The following ALK variants were observed in gnomAD, a reference collection of about 807,000 sequenced individuals.
ALK encodes ALK tyrosine kinase receptor.
In ALK, 74 loss-of-function variants were observed where a neutral mutation model predicts 163.1. The observed-to-expected ratio is 0.45, with a 90% CI of 0.38 to 0.55. ALK has a LOEUF of 0.55. Among genes scored for constraint, ALK ranks in the 20% least tolerant of loss-of-function variants. ALK has a pLI of 0.00. For synonymous variants in ALK, 960 were observed against 843.2 expected, an observed-to-expected ratio of 1.14 and a Z score of -2.40; for missense variants, 2,063 against 2,105.3, an observed-to-expected ratio of 0.98 and a Z score of 0.39.
chr2:29,549,173 C>CACAT (rs1373284156), intron 3 of ALK, among the ~76,000 whole-genome samples: 1 of 151,868 alleles, frequency 6.6e-6, no homozygotes, highest in African/African-American at 2.4e-5. Flanking sequence ...CACACACACA[C>CACAT]GGACACACAC....
chr2:29,756,967 T>C (rs1255290383), intron 1 of ALK, among the ~76,000 whole-genome samples: 3 of 151,964 alleles, frequency 2.0e-5, no homozygotes, highest in Non-Finnish European at 4.4e-5. Context: ...AGATAAACAG[T>C]ATCAGGGAGA....
intron 4 of ALK, among the ~76,000 whole-genome samples, chr2:29,406,424 A>G (rs1321407159): frequency 6.6e-6 from 1 of 152,202 alleles, no homozygotes; most frequent in Non-Finnish European, 1.5e-5. Context: ...ATGAGCTGAG[A>G]TATTCCCAGC....
chr2:29,858,953 A>ATC, intron 1 of ALK, among the ~76,000 whole-genome samples: 2 of 151,948 alleles, frequency 1.3e-5, no homozygotes, highest in African/African-American at 2.4e-5. Flanking sequence ...GAATTGCTTG[A>ATC]ACCGAGGAGG....
At chr2:29,560,792 G>A (rs1674000200) in intron 3 of ALK, among the ~76,000 whole-genome samples, 2 of 151,958 alleles carry the variant, frequency 1.3e-5, no homozygotes, top group Non-Finnish European at 2.9e-5. Context: ...GGCTGGTCTC[G>A]AACTCCTGGA....
rs11900447 is a variant in ALK, at chr2:29,820,589, G to A, written c.667+99404C>T. On this transcript the variant is annotated intron_variant, in intron 1 of 28. Transcript: ENST00000389048. ...GCCTGAGCAATGTACAAAACTGAAA[G>A]AGGATAGGGATCCAGCTGAAAAAGA... Among the ~76,000 whole-genome samples, 1,227 of 152,320 alleles carry A rather than the reference G, an allele frequency of 8.1e-3. 12 individuals carry two copies. The highest frequency in any genetic ancestry group is 0.02 in the Middle Eastern group (6 of 294).
rs557507015 is a variant in ALK, at chr2:29,697,536, G to A, written c.788-2522C>T. 1.2e-4 allele frequency among the ~76,000 whole-genome samples: 18 copies of A among 152,194 alleles called. No individual in the cohort carries two copies. The South Asian group carries it at 1.5e-3, about 12-fold the overall frequency. On this transcript the variant is annotated intron_variant, in intron 2 of 28. Transcript: ENST00000389048. ...AGTGGCTGAAGAACTTTGCCATGGC[G>A]GGCTCTCAAAGCTGGCTTATGGATT...
At chr2:29,774,414 C>G (rs1681113578) in intron 1 of ALK, among the ~76,000 whole-genome samples, 1 of 152,090 alleles carries the variant, frequency 6.6e-6, no homozygotes, top group Non-Finnish European at 1.5e-5. Flanking sequence ...TTCTGGGAAC[C>G]CAGTGCTTTG....
intron 2 of ALK, among the ~76,000 whole-genome samples, chr2:29,703,637 A>G (rs1558450164): frequency 6.6e-6 from 1 of 152,210 alleles, no homozygotes; most frequent in Admixed American, 6.5e-5. Context: ...CTTCCTGTTC[A>G]TCCTGAGAAA....
chr2:29,310,451 C>A (rs1284013582), intron 8 of ALK, among the ~76,000 whole-genome samples: 4 of 152,202 alleles, frequency 2.6e-5, no homozygotes, highest in African/African-American at 9.6e-5. Context: ...AGGCTTCTTT[C>A]TACTAGGGTG....
At chr2:29,371,451 G>T (rs1558698107) in intron 5 of ALK, among the ~76,000 whole-genome samples, 1 of 152,184 alleles carries the variant, frequency 6.6e-6, no homozygotes, top group East Asian at 1.9e-4. Context: ...GCTCTGTCCA[G>T]GGGTCTGGGT....
chr2:29,811,870 T>A (rs533011622), intron 1 of ALK, among the ~76,000 whole-genome samples: 1 of 152,072 alleles, frequency 6.6e-6, no homozygotes, highest in South Asian at 2.1e-4. Flanking sequence ...AGTTCAAATG[T>A]CCCCCCAGGC....
At chr2:29,494,133 G>C (rs929604347) in intron 4 of ALK, among the ~76,000 whole-genome samples, 91 of 152,340 alleles carry the variant, frequency 6.0e-4, no homozygotes, top group African/African-American at 2.1e-3. Flanking sequence ...CCACCAATGT[G>C]ATGGGTGGCT....
At chr2:29,442,715 C>G (rs1670578366) in intron 4 of ALK, among the ~76,000 whole-genome samples, 1 of 152,154 alleles carries the variant, frequency 6.6e-6, no homozygotes, top group South Asian at 2.1e-4. Context: ...ACCTAAAAAC[C>G]TTATGCTTAA....
At chr2:29,647,338 T>A (rs1207448827) in intron 3 of ALK, among the ~76,000 whole-genome samples, 1 of 152,132 alleles carries the variant, frequency 6.6e-6, no homozygotes, top group South Asian at 2.1e-4. Context: ...GCATCTCTAA[T>A]ATGTCTCTTC....
Position 29,207,354 on chromosome 2 carries a change from G to A in ALK, c.3837-82C>T, listed in dbSNP as rs1282394303. On this transcript the variant is annotated intron_variant, in intron 25 of 28. Transcript: ENST00000389048. ...CCCTGCTGGGAAAGTTGAGAAAGTG[G>A]CAACAATATAGTCTACCCATTAAAG... 5 of 1,077,368 alleles carry A rather than the reference G, an allele frequency of 4.6e-6. No homozygotes were observed. In the African/African-American group the frequency reaches 6.2e-5, roughly 13 times the overall value. 66.7% of individuals were successfully genotyped at this position (1,077,368 alleles called of 1,614,324 possible).
intron 1 of ALK, among the ~76,000 whole-genome samples, chr2:29,744,227 G>C (rs544228471): frequency 9.8e-5 from 15 of 152,292 alleles, no homozygotes; most frequent in African/African-American, 3.1e-4. Context: ...CAGGATGTTA[G>C]TGGAAGAAAT....
At chr2:29,856,178 G>T (rs1666134090) in intron 1 of ALK, among the ~76,000 whole-genome samples, 1 of 152,138 alleles carries the variant, frequency 6.6e-6, no homozygotes, top group African/African-American at 2.4e-5. Context: ...AAAAAACTTG[G>T]GGTTGAATTT....
At chr2:29,312,287 G>C (rs1666717755) in intron 8 of ALK, among the ~76,000 whole-genome samples, 3 of 152,128 alleles carry the variant, frequency 2.0e-5, no homozygotes, top group African/African-American at 4.8e-5. Context: ...CTAGATTCAG[G>C]CTGGGCATGT....
intron 1 of ALK, among the ~76,000 whole-genome samples, chr2:29,724,299 C>G (rs1244027120): frequency 6.6e-6 from 1 of 152,094 alleles, no homozygotes. Flanking sequence ...TGTTTTTTCC[C>G]TGTTATTTGA....
Sources: allele counts gnomAD v4.1 joint callset (sites outside exome capture counted in the v4.1 genomes callset), GRCh38; gene constraint gnomAD v4.1.1; transcripts MANE v1.5; gene names NCBI Gene and HGNC (gene_info 2026-07-23, HGNC 2026-07-21).